DEFA6: variants seen among roughly 807,000 people sequenced by gnomAD.
DEFA6 encodes defensin alpha 6.
DEFA6 carries 8 observed loss-of-function variants against 5.1 expected under a neutral mutation model. That is an observed-to-expected ratio of 1.57 (90% CI 0.92 to 2.83). The LOEUF is 2.83. Ranked by LOEUF, DEFA6 falls within the 30% of genes most tolerant of loss-of-function variation. The pLI is 0.00. For missense variants in DEFA6, 191 were observed against 119.1 expected (o/e 1.60, Z -2.81); for synonymous variants, 74 against 45.3 (o/e 1.63, Z -2.54).
In DEFA6 at chr8:6,924,891, G is replaced by A; in HGVS notation, c.230C>T (p.Ser77Phe). Reference protein sequence around the residue: ...TRAFTCHCRRSCYSTEYSYGT... With the variant: ...TRAFTCHCRRFCYSTEYSYGT... ...ATAGGAATATTCTGTTGAATAACAGGACCTTCTGCAATGGCAAGTGAAAGC... is the reference window on the plus strand; with the variant it reads ...ATAGGAATATTCTGTTGAATAACAGAACCTTCTGCAATGGCAAGTGAAAGC... Residue 77 changes from serine (S) to phenylalanine (F), a missense_variant, in exon 2 of 2, where the codon TCC becomes TTC. By Grantham distance (155) the Ser-to-Phe change is radical (BLOSUM62 -2). Coordinates refer to ENST00000297436, the MANE Select transcript of DEFA6 (RefSeq NM_001926.4). 6.2e-7 allele frequency: 1 copy of A among 1,610,988 alleles called. No homozygotes were observed. The highest frequency in any genetic ancestry group is 8.5e-7 in the Non-Finnish European group (1 of 1,177,486).
chr8:6,925,039 A>C (rs1585033539), intron 1 of DEFA6, 112 bp from the exon 2 acceptor site: 1 of 662,890 alleles, frequency 1.5e-6, no homozygotes. Context: ...TGGCTGCATT[A>C]CAGCCAATAG....
Position 6,925,493 on chromosome 8 carries a change from C to T in DEFA6, c.193+350G>A, listed in dbSNP as rs544783239. 1.3e-3 allele frequency among the ~76,000 whole-genome samples: 198 copies of T among 152,304 alleles called. 9 individuals carry two copies. In the South Asian group the frequency reaches 0.04, roughly 31 times the overall value. On this transcript the variant is annotated intron_variant, in intron 1 of 1. Transcript: ENST00000297436. ...AGTGATCTGAGATAGTGCCACTGCA[C>T]TCCAGCCTGGGTGACAGAGCGAGAC...
At chr8:6,925,557 AC>A (rs1484497518) in intron 1 of DEFA6, among the ~76,000 whole-genome samples, 1 of 152,140 alleles carries the variant, frequency 6.6e-6, no homozygotes, top group Non-Finnish European at 1.5e-5. Context: ...GCAAAACAAA[AC>A]ATTCCTTTAA....
intron 1 of DEFA6, 108 bp downstream of exon 1, chr8:6,925,735 C>T (rs1808408238): frequency 1.2e-6 from 1 of 868,720 alleles, no homozygotes; most frequent in Middle Eastern, 3.5e-4. Flanking sequence ...GTAATTGAGG[C>T]CTGGGGAGGT....
rs1345437505 is a variant in DEFA6, at chr8:6,924,842, A to C, written c.279T>G (p.Ile93Met). 2 of 1,608,082 alleles carry C rather than the reference A, an allele frequency of 1.2e-6. No individual in the cohort carries two copies. The change falls in exon 2 of 2, where the codon ATT becomes ATG. Residue 93 changes from isoleucine (I) to methionine (M), a missense_variant. Physicochemically the swap from Ile to Met is conservative, Grantham distance 10. Coordinates refer to ENST00000297436, the MANE Select transcript of DEFA6 (RefSeq NM_001926.4). ...YSYGTCTVMG[I>M]NHRFCCL ...CTCAGAGGCAGCAGAATCTGTGGTTAATACCCATGACAGTGCAGGTCCCAT... is the reference window on the plus strand; with the variant it reads ...CTCAGAGGCAGCAGAATCTGTGGTTCATACCCATGACAGTGCAGGTCCCAT...
rs1264275575 is a variant in DEFA6 at position 6,924,789 on chromosome 8, A to G, written c.*29T>C. 1.4e-6 allele frequency: 2 copies of G among 1,477,446 alleles called. No homozygotes were observed. Among genetic ancestry groups the G allele is most frequent in the East Asian group, 2.3e-5 (1 of 43,484 alleles). 91.5% of individuals were successfully genotyped at this position (1,477,446 alleles called of 1,614,324 possible). On this transcript the variant is annotated 3_prime_UTR_variant, in exon 2 of 2. Coordinates refer to ENST00000297436, the MANE Select transcript of DEFA6 (RefSeq NM_001926.4). Reference sequence around the variant, plus strand: ...TTCCTTCTAGGTCATAAAGTAAATTATGAATATATTTCTCTCTGTTCTCAT... The same window carrying G: ...TTCCTTCTAGGTCATAAAGTAAATTGTGAATATATTTCTCTCTGTTCTCAT...
Position 6,924,834 on chromosome 8 carries a change from C to A in DEFA6, c.287G>T (p.Arg96Ile). 1.2e-6 allele frequency: 2 copies of A among 1,603,418 alleles called. No homozygotes were observed. The highest frequency in any genetic ancestry group is 1.7e-6 in the Non-Finnish European group (2 of 1,171,352). Residue 96 changes from arginine to isoleucine, a missense_variant, in exon 2 of 2, where the codon AGA becomes ATA. Physicochemically the swap from Arg to Ile is moderately conservative, Grantham distance 97. Transcript: ENST00000297436. ...GTCTVMGINHRFCCL is the reference protein window; with the variant it reads ...GTCTVMGINHIFCCL Reference sequence around the variant, plus strand: ...TCTCATCCCTCAGAGGCAGCAGAATCTGTGGTTAATACCCATGACAGTGCA... The same window carrying A: ...TCTCATCCCTCAGAGGCAGCAGAATATGTGGTTAATACCCATGACAGTGCA...
In DEFA6 at chr8:6,925,892, G is replaced by A. The variant is rs774751195; in HGVS notation, c.144C>T (p.Asp48=). 4 of 1,614,028 alleles carry A rather than the reference G, an allele frequency of 2.5e-6. No homozygotes were observed. The highest frequency in any genetic ancestry group is 3.4e-6 in the Non-Finnish European group (4 of 1,180,048). The change falls in exon 1 of 2, where the codon GAC becomes GAT. Residue 48 remains aspartate, a synonymous_variant. Transcript: ENST00000297436. ...CATCCTCTGCAAAGGAGACGGCAAA[G>A]TCCTGGTCATTTGCCCCACGCTGCT... ...AQEQRGANDQ[D]FAVSFAEDAS...
At chr8:6,925,382 G>GCC (rs1808395780) in intron 1 of DEFA6, among the ~76,000 whole-genome samples, 1 of 151,592 alleles carries the variant, frequency 6.6e-6, no homozygotes, top group Non-Finnish European at 1.5e-5. Flanking sequence ...ACAAAATTTA[G>GCC]CCAGGCTTGG....
In DEFA6 at chr8:6,926,038, C is replaced by G; in HGVS notation, c.-3G>C. On this transcript the variant is annotated 5_prime_UTR_variant, in exon 1 of 2. Coordinates refer to ENST00000297436, the MANE Select transcript of DEFA6 (RefSeq NM_001926.4). ...GTGAGGATGGTGAGGGTTCTCATGG[C>G]TAGGGTCGCTGGAGGAGAGAGAGCA... The G allele has an allele frequency of 2.5e-6, 4 of 1,604,534 alleles. No individual in the cohort carries two copies. The African/African-American group carries it at 4.0e-5, about 16-fold the overall frequency.
chr8:6,925,774 G>T lies in DEFA6; in HGVS notation c.193+69C>A. ...CACCTAAGAGAAAGAGCCAGCTGTT[G>T]GATCTAATTCTAGAAGTGCTTGGTT... On this transcript the variant is annotated intron_variant, in intron 1 of 1. Transcript: ENST00000297436. 6 of 1,386,730 alleles carry T rather than the reference G, an allele frequency of 4.3e-6. No individual in the cohort carries two copies. The South Asian group carries it at 6.0e-5, about 14-fold the overall frequency. 85.9% of individuals were successfully genotyped at this position (1,386,730 alleles called of 1,614,324 possible).
intron 1 of DEFA6, 74 bp from the exon 2 acceptor site, chr8:6,925,001 A>T (rs993585753): frequency 2.1e-6 from 2 of 936,716 alleles, no homozygotes; most frequent in African/African-American, 3.2e-5. Flanking sequence ...AATCTTCAGG[A>T]AGTTGCATGC....
At chr8:6,925,270 C>T (rs1413660080) in intron 1 of DEFA6, among the ~76,000 whole-genome samples, 1 of 152,036 alleles carries the variant, frequency 6.6e-6, no homozygotes, top group East Asian at 1.9e-4. Context: ...CCTGTAATCC[C>T]AGCACTTTGG....
Position 6,926,027 on chromosome 8 carries a change from G to A in DEFA6, c.9C>T (p.Thr3=). 1 of 1,609,582 alleles carries A rather than the reference G, an allele frequency of 6.2e-7. No homozygotes were observed. The highest frequency in any genetic ancestry group is 1.3e-5 in the African/African-American group (1 of 74,874). The stretch of plus-strand genomic sequence containing the variant: ...GGAGAACAGCAGTGAGGATGGTGAG[G>A]GTTCTCATGGCTAGGGTCGCTGGAG... MR[T]LTILTAVLLV... Residue 3 remains threonine (T), a synonymous_variant, in exon 1 of 2, where the codon ACC becomes ACT. Transcript: ENST00000297436.
rs781513403 is a variant in DEFA6 at position 6,925,881 on chromosome 8, G to A, written c.155C>T (p.Ser52Phe). Residue 52 changes from serine (S) to phenylalanine (F), a missense_variant, in exon 1 of 2, where the codon TCC (serine) becomes TTC (phenylalanine). Ser to Phe is a radical substitution (Grantham distance 155, BLOSUM62 -2). Transcript: ENST00000297436. ...RGANDQDFAV[S>F]FAEDASSSLR... The stretch of plus-strand genomic sequence containing the variant: ...ACTTGAGCTTGCATCCTCTGCAAAG[G>A]AGACGGCAAAGTCCTGGTCATTTGC... 11 of 1,614,028 alleles carry A rather than the reference G, an allele frequency of 6.8e-6. No individual in the cohort carries two copies. The highest frequency in any genetic ancestry group is 9.3e-6 in the Non-Finnish European group (11 of 1,180,012).
rs1808364786 is a variant in DEFA6, at chr8:6,924,720, A to G, written c.*98T>C. 1.5e-6 allele frequency: 1 copy of G among 684,138 alleles called. No homozygotes were observed. Among genetic ancestry groups the G allele is most frequent in the Non-Finnish European group, 2.3e-6 (1 of 431,244 alleles). The allele number at this position is 684,138 out of a possible 1,614,324, so 42.4% of individuals were successfully genotyped here. A position where few individuals can be genotyped will look rare whatever the true frequency, so the allele number is the denominator to read the frequency against. On this transcript the variant is annotated 3_prime_UTR_variant, in exon 2 of 2. Transcript: ENST00000297436. ...ACTTGCTGAAAGGACTTTATTTGAGATGAGGAAACAAAGTTGATGGCAATG... is the reference window on the plus strand; with the variant it reads ...ACTTGCTGAAAGGACTTTATTTGAGGTGAGGAAACAAAGTTGATGGCAATG...
At chr8:6,925,347 C>T (rs890404182) in intron 1 of DEFA6, among the ~76,000 whole-genome samples, 8 of 137,410 alleles carry the variant, frequency 5.8e-5, no homozygotes, top group Non-Finnish European at 1.1e-4. Flanking sequence ...GGTGAAACCC[C>T]GTCTCTACTG....
chr8:6,924,986 A>C, intron 1 of DEFA6, 59 bp from the exon 2 acceptor site: 1 of 1,165,388 alleles, frequency 8.6e-7, no homozygotes, highest in Non-Finnish European at 1.3e-6. Context: ...GCGGGCAGTA[A>C]AGAGAATCTT....
At position 6,924,761 on chromosome 8, in the gene DEFA6, A is replaced by G. The variant is rs1250398866; in HGVS notation, c.*57T>C. The G allele has an allele frequency of 8.0e-7, 1 of 1,248,158 alleles. No individual in the cohort carries two copies. The highest frequency in any genetic ancestry group is 1.4e-5 in the South Asian group (1 of 72,164). The allele number at this position is 1,248,158 out of a possible 1,614,324, so 77.3% of individuals were successfully genotyped here. A position where few individuals can be genotyped will look rare whatever the true frequency, so the allele number is the denominator to read the frequency against. ...GATGGCAATGTATAGGACACACGACAGTTTCCTTCTAGGTCATAAAGTAAA... is the reference window on the plus strand; with the variant it reads ...GATGGCAATGTATAGGACACACGACGGTTTCCTTCTAGGTCATAAAGTAAA... On this transcript the variant is annotated 3_prime_UTR_variant, in exon 2 of 2. Transcript: ENST00000297436.
Sources: gnomAD v4.1 joint callset for allele counts (sites outside exome capture counted in the v4.1 genomes callset) on GRCh38, gnomAD v4.1.1 for gene constraint, MANE v1.5 for transcripts, NCBI Gene and HGNC (gene_info 2026-07-23, HGNC 2026-07-21) for gene names.